Variants in CACNA1A observed in about 807,000 individuals in gnomAD.
The protein encoded by CACNA1A is voltage-dependent P/Q-type calcium channel subunit alpha-1A.
CACNA1A carries 57 observed loss-of-function variants against 262.4 expected under a neutral mutation model. That is an observed-to-expected ratio of 0.22 (90% CI 0.18 to 0.27). The LOEUF (loss-of-function observed/expected upper bound fraction) is 0.27, where lower values mean the gene tolerates loss of function less well. Ranked by LOEUF, CACNA1A falls within the 10% of genes least tolerant of loss-of-function variation. The probability of loss-of-function intolerance (pLI) is 1.00; values close to 1 mark genes in which losing one functional copy is unlikely to be tolerated. For missense variants in CACNA1A, 2,526 were observed against 3,562.8 expected (o/e 0.71, Z 7.41); for synonymous variants, 1,431 against 1,419.3 (o/e 1.01, Z -0.18).
At chr19:13,395,952 T>C (rs961060919) in intron 3 of CACNA1A, among the ~76,000 whole-genome samples, 1 of 152,242 alleles carries the variant, frequency 6.6e-6, no homozygotes, top group African/African-American at 2.4e-5. Flanking sequence ...GCATTTACAT[T>C]GTACACTTTT....
rs940483251 is a variant in CACNA1A at position 13,207,209 on chromosome 19, C to T, written c.*104G>A. 41 of 1,266,264 alleles carry T rather than the reference C, an allele frequency of 3.2e-5. No homozygotes were observed. Among genetic ancestry groups the T allele is most frequent in the Non-Finnish European group, 3.7e-5 (36 of 969,846 alleles). The allele number at this position is 1,266,264 out of a possible 1,614,324, so 78.4% of individuals were successfully genotyped here. ...TCTGGGGTCTCCCGGCTGGCCCTCT[C>T]CCGGGCCCTCTGTGCTGGGCCCCCG... On this transcript the variant is annotated 3_prime_UTR_variant, in exon 47 of 47. Coordinates refer to ENST00000360228, the MANE Select transcript of CACNA1A (RefSeq NM_001127222.2). The surrounding 1 kb of genome is among the most constrained non-coding windows in gnomAD (Gnocchi z 5.7).
In CACNA1A at chr19:13,365,479, C is replaced by A; in HGVS notation, c.632-10G>T. 1 of 1,612,726 alleles carries A rather than the reference C, an allele frequency of 6.2e-7. No homozygotes were observed. The highest frequency in any genetic ancestry group is 8.5e-7 in the Non-Finnish European group (1 of 1,179,168). Reference sequence around the variant, plus strand: ...AGGACGACTTGTAAACCTGGGGGGACACAGAGAGAGGCCCCATAAGCCCAT... The same window carrying A: ...AGGACGACTTGTAAACCTGGGGGGAAACAGAGAGAGGCCCCATAAGCCCAT... On this transcript the variant is annotated splice_polypyrimidine_tract_variant and intron_variant, in intron 4 of 46. Coordinates refer to ENST00000360228, the MANE Select transcript of CACNA1A (RefSeq NM_001127222.2).
At chr19:13,248,191 T>G (rs889885086) in intron 30 of CACNA1A, among the ~76,000 whole-genome samples, 1 of 152,088 alleles carries the variant, frequency 6.6e-6, no homozygotes, top group Non-Finnish European at 1.5e-5. Flanking sequence ...GACAACTTTA[T>G]AGGCGTTTGG....
intron 6 of CACNA1A, among the ~76,000 whole-genome samples, chr19:13,349,027 A>AAAAAAGAGAG (rs541410353): frequency 8.7e-5 from 12 of 137,726 alleles, no homozygotes; most frequent in African/African-American, 2.2e-4. Flanking sequence ...AAAAAAAAAA[A>AAAAAAGAGAG]AGAGAGACAA....
At chr19:13,430,822 C>G (rs1216727153) in intron 3 of CACNA1A, among the ~76,000 whole-genome samples, 1 of 151,690 alleles carries the variant, frequency 6.6e-6, no homozygotes, top group African/African-American at 2.4e-5. Flanking sequence ...AGCCTAGAGG[C>G]GGGGAGTGGG....
chr19:13,227,880 A>G (rs1483350552), intron 36 of CACNA1A, among the ~76,000 whole-genome samples: 2 of 145,138 alleles, frequency 1.4e-5, no homozygotes, highest in African/African-American at 2.5e-5. Flanking sequence ...TGGAAGACGT[A>G]GAGCCATGCT....
At chr19:13,281,874 T>C (rs1429860057) in intron 22 of CACNA1A, among the ~76,000 whole-genome samples, 1 of 152,192 alleles carries the variant, frequency 6.6e-6, no homozygotes, top group South Asian at 2.1e-4. Flanking sequence ...GTCTGAGCAC[T>C]GCCTAGATTC....
intron 3 of CACNA1A, among the ~76,000 whole-genome samples, chr19:13,416,192 T>C (rs74182205): frequency 0.13 from 20,157 of 152,168 alleles, 1,734 homozygotes; most frequent in Non-Finnish European, 0.2. Context: ...CCTTGACCTC[T>C]TGGGCTCAAG....
chr19:13,212,003 C>T lies in CACNA1A; in HGVS notation c.6303+100G>A. The T allele has an allele frequency of 4.1e-6, 3 of 728,306 alleles. No homozygotes were observed. The South Asian group carries it at 5.0e-5, about 12-fold the overall frequency. The allele number at this position is 728,306 out of a possible 1,614,324, so 45.1% of individuals were successfully genotyped here. On this transcript the variant is annotated intron_variant, in intron 43 of 46. Coordinates refer to ENST00000360228, the MANE Select transcript of CACNA1A (RefSeq NM_001127222.2). The surrounding 1 kb of genome is among the most constrained non-coding windows in gnomAD (Gnocchi z 5.6). ...AAGGAGTCCCTACCCAGGCCTGAGT[C>T]CGGCAGGGAGGGGATGCACTGGGCT...
rs139090763 is a variant in CACNA1A, at chr19:13,231,505, T to C, written c.5400+205A>G. Among the ~76,000 whole-genome samples, 605 of 152,156 alleles carry C rather than the reference T, an allele frequency of 4.0e-3. 3 individuals are homozygous for C. The highest frequency in any genetic ancestry group is 5.1e-3 in the Non-Finnish European group (347 of 68,006). On this transcript the variant is annotated intron_variant, in intron 35 of 46. Coordinates refer to ENST00000360228, the MANE Select transcript of CACNA1A (RefSeq NM_001127222.2). ...CTGCCATACACTGCAGTGCACATGA[T>C]GGCCCCACCCCAAAGAATCAGCCAC... is the stretch of plus-strand genomic sequence containing the variant.
At chr19:13,489,377 C>T (rs979839518) in intron 1 of CACNA1A, among the ~76,000 whole-genome samples, 3 of 152,090 alleles carry the variant, frequency 2.0e-5, no homozygotes, top group Non-Finnish European at 4.4e-5. Context: ...CAGCATAGGT[C>T]TCCCGGGCTC....
intron 3 of CACNA1A, among the ~76,000 whole-genome samples, chr19:13,447,716 T>A (rs937168051): frequency 7.2e-5 from 11 of 152,124 alleles, no homozygotes; most frequent in African/African-American, 2.7e-4. Context: ...TAACCATTGG[T>A]GTAAGTCCAT....
rs1254955813 is a variant in CACNA1A, at chr19:13,374,835, C to CTTTGT, written c.540-3061_540-3057dup. On this transcript the variant is annotated intron_variant, in intron 3 of 46. Transcript: ENST00000360228. Reference sequence around the variant, plus strand: ...AGTAAACCCAATAAATATAAGCAGGCTTTGTTTTGTTTTGTTCTAGAGATG... The same window carrying CTTTGT: ...AGTAAACCCAATAAATATAAGCAGGCTTTGTTTTGTTTTGTTTTGTTCTAGAGATG... Among the ~76,000 whole-genome samples the CTTTGT allele has an allele frequency of 8.6e-5, 13 of 151,886 alleles. 1 individual carries two copies. The highest frequency in any genetic ancestry group is 2.9e-4 in the African/African-American group (12 of 41,440).
intron 3 of CACNA1A, among the ~76,000 whole-genome samples, chr19:13,407,828 AC>A (rs200453439): frequency 0.013 from 1,926 of 152,226 alleles, 50 homozygotes; most frequent in African/African-American, 0.045. Flanking sequence ...CTGTGTCCCC[AC>A]CCAGATCTCA....
At chr19:13,468,732 A>G (rs2061298512) in intron 1 of CACNA1A, among the ~76,000 whole-genome samples, 1 of 152,192 alleles carries the variant, frequency 6.6e-6, no homozygotes, top group Non-Finnish European at 1.5e-5. Context: ...GGCTGCAGTG[A>G]GCCAAGATCG....
At chr19:13,217,387 G>A (rs2055053449) in intron 38 of CACNA1A, among the ~76,000 whole-genome samples, 1 of 152,186 alleles carries the variant, frequency 6.6e-6, no homozygotes, top group African/African-American at 2.4e-5. Flanking sequence ...TGGAAAGGAA[G>A]CTCAGTGTGC....
chr19:13,501,045 G>C (rs1473932345), intron 1 of CACNA1A, among the ~76,000 whole-genome samples: 1 of 152,248 alleles, frequency 6.6e-6, no homozygotes, highest in East Asian at 1.9e-4. Context: ...GCTGACTCAA[G>C]AGGGGCACTG....
chr19:13,295,042 C>G (rs1048995803), intron 19 of CACNA1A, among the ~76,000 whole-genome samples: 3 of 152,202 alleles, frequency 2.0e-5, no homozygotes, highest in Non-Finnish European at 2.9e-5. Context: ...TCTCAGATTG[C>G]TCCTCTGGAA....
chr19:13,399,768 T>C (rs2059868293), intron 3 of CACNA1A, among the ~76,000 whole-genome samples: 1 of 152,132 alleles, frequency 6.6e-6, no homozygotes, highest in Admixed American at 6.5e-5. Context: ...AATTCAGACA[T>C]CATGGTCATG....
Sources: allele counts gnomAD v4.1 joint callset (sites outside exome capture counted in the v4.1 genomes callset), GRCh38; gene constraint gnomAD v4.1.1; non-coding constraint Gnocchi (gnomAD v3.1); transcripts MANE v1.5; gene names NCBI Gene and HGNC (gene_info 2026-07-23, HGNC 2026-07-21).